Variants in F11 observed in about 807,000 individuals in gnomAD.
The protein encoded by F11 is coagulation factor XI.
Under a neutral mutation model 76.5 loss-of-function variants are expected in F11, and 78 were observed. The ratio of observed to expected loss-of-function variants is 1.02; its 90% confidence interval spans 0.85 to 1.23. The LOEUF is 1.23. Among genes scored for constraint, F11 ranks in the 50% most tolerant of loss-of-function variants. The probability of loss-of-function intolerance (pLI) is 0.00; values close to 1 mark genes in which losing one functional copy is unlikely to be tolerated. For missense variants in F11, 742 were observed against 771.4 expected (o/e 0.96, Z 0.45); for synonymous variants, 278 against 276.3 (o/e 1.01, Z -0.06).
intron 14 of F11, among the ~76,000 whole-genome samples, chr4:186,288,086 T>TTA: frequency 1.3e-5 from 2 of 151,422 alleles, no homozygotes; most frequent in Non-Finnish European, 2.9e-5. Flanking sequence ...TTTTTTTTTT[T>TTA]TAGTTTTAGT....
chr4:186,269,566 A>C (rs1739771266), intron 2 of F11, among the ~76,000 whole-genome samples: 1 of 152,234 alleles, frequency 6.6e-6, no homozygotes, highest in African/African-American at 2.4e-5. Flanking sequence ...CAAGACGGAA[A>C]TTAGAACAGA....
chr4:186,288,613 G>A lies in F11; in HGVS notation c.1877G>A (p.Ter626=). ...ATTCTGGAGAAAACTCAAGCAGTGT[G>A]AATGGGTTCCCAGGGGCCATTGGAG... is the stretch of plus-strand genomic sequence containing the variant. ...DWILEKTQAV[*] Residue 626 remains the stop codon, a stop_retained_variant, in exon 15 of 15, where the codon TGA becomes TAA. Transcript: ENST00000403665. 1 of 1,613,786 alleles carries A rather than the reference G, an allele frequency of 6.2e-7. No individual in the cohort carries two copies. The highest frequency in any genetic ancestry group is 8.5e-7 in the Non-Finnish European group (1 of 1,179,826).
At chr4:186,288,391 T>C (rs186657082) in intron 14 of F11, 62 bp from the exon 15 acceptor site, 557 of 1,607,430 alleles carry the variant, frequency 3.5e-4, no homozygotes, top group Admixed American at 4.7e-4. Context: ...GAGCAAGATG[T>C]GCTGAAGATG....
At chr4:186,279,292 G>A (rs946212115) in intron 7 of F11, among the ~76,000 whole-genome samples, 1 of 151,984 alleles carries the variant, frequency 6.6e-6, no homozygotes, top group Non-Finnish European at 1.5e-5. Flanking sequence ...TGAGGCAGGA[G>A]AATCACTTGA....
Position 186,285,754 on chromosome 4 carries a change from T to C in F11, c.1421T>C (p.Met474Thr), listed in dbSNP as rs1202670074. ...QEIIIHDQYK[M>T]AESGYDIALL... ...ATAATAATCCATGATCAGTATAAAA[T>C]GGCAGAAAGCGGGTATGATATTGCC... The change falls in exon 12 of 15, where the codon ATG (methionine) becomes ACG (threonine). Residue 474 changes from methionine to threonine, a missense_variant. Physicochemically the swap from Met to Thr is moderately conservative, Grantham distance 81 (BLOSUM62 -1). Transcript: ENST00000403665. 2.5e-6 allele frequency: 4 copies of C among 1,614,208 alleles called. No individual in the cohort carries two copies. The highest frequency in any genetic ancestry group is 3.3e-5 in the Admixed American group (2 of 60,028).
At position 186,282,905 on chromosome 4, in the gene F11, G is replaced by C. The variant is rs188961841; in HGVS notation, c.1136-1187G>C. On this transcript the variant is annotated intron_variant, in intron 10 of 14. Coordinates refer to ENST00000403665, the MANE Select transcript of F11 (RefSeq NM_000128.4). ...AATTATACACTCATTTTCCTACCAA[G>C]GAAAAAAAGGCCTAGAAAGGTTGTT... 4,460 of 984,994 alleles carry C rather than the reference G, an allele frequency of 4.5e-3. 25 individuals carry two copies. The highest frequency in any genetic ancestry group is 0.031 in the Middle Eastern group (60 of 1,914). 61.0% of individuals were successfully genotyped at this position (984,994 alleles called of 1,614,324 possible). A position where few individuals can be genotyped will look rare whatever the true frequency, so the allele number is the denominator to read the frequency against.
At chr4:186,288,384 C>T in intron 14 of F11, 69 bp from the exon 15 acceptor site, 1 of 1,601,698 alleles carries the variant, frequency 6.2e-7, no homozygotes, top group Non-Finnish European at 8.6e-7. Flanking sequence ...TCAGCCTGAG[C>T]AAGATGTGCT....
At chr4:186,281,954 G>A (rs1740841869) in intron 10 of F11, 1 of 1,280,396 alleles carries the variant, frequency 7.8e-7, no homozygotes, top group Non-Finnish European at 1.0e-6. Flanking sequence ...GCGCTCCGAT[G>A]AAAATCTCTG....
chr4:186,286,602 G>A (rs767984665), intron 13 of F11, 92 bp downstream of exon 13: 167 of 1,585,322 alleles, frequency 1.1e-4, no homozygotes, highest in Non-Finnish European at 1.4e-4. Context: ...AGCACAACTC[G>A]AGTCACACTA....
intron 7 of F11, among the ~76,000 whole-genome samples, chr4:186,278,683 T>G (rs1185890826): frequency 6.6e-6 from 1 of 151,738 alleles, no homozygotes; most frequent in Non-Finnish European, 1.5e-5. Context: ...AGCAGCAGAG[T>G]GTAGGAGAAG....
rs1216051665 is a variant in F11 at position 186,280,522 on chromosome 4, A to G, written c.1077A>G (p.Ile359Met). ...CTTCAAACGGATCTCCAACTAAAAT[A>G]CTTCACGGGAGAGGAGGCATCTCTG... is the stretch of plus-strand genomic sequence containing the variant. The part of the protein sequence containing the change: ...KLSSNGSPTK[I>M]LHGRGGISGY... The change falls in exon 10 of 15, where the codon ATA becomes ATG. Residue 359 changes from isoleucine to methionine, a missense_variant. Transcript: ENST00000403665. 1 of 1,614,192 alleles carries G rather than the reference A, an allele frequency of 6.2e-7. No individual in the cohort carries two copies.
rs182208172 is a variant in F11, at chr4:186,274,926, T to C, written c.485+651T>C. ...AAGTGAAAAACATTCAAATTACTAA[T>C]ACTTGCGTTTTAACATTGGATTTTA... On this transcript the variant is annotated intron_variant, in intron 5 of 14. Coordinates refer to ENST00000403665, the MANE Select transcript of F11 (RefSeq NM_000128.4). 3.3e-5 allele frequency: 6 copies of C among 180,998 alleles called. No homozygotes were observed. In the East Asian group the frequency reaches 5.8e-4, roughly 17 times the overall value. The allele number at this position is 180,998 out of a possible 1,614,324, so 11.2% of individuals were successfully genotyped here. A position where few individuals can be genotyped will look rare whatever the true frequency, so the allele number is the denominator to read the frequency against.
chr4:186,276,086 C>A, intron 6 of F11, 145 bp from the exon 7 acceptor site: 1 of 1,020,266 alleles, frequency 9.8e-7, no homozygotes, highest in Non-Finnish European at 1.5e-6. Flanking sequence ...TTAAAATAAT[C>A]ATGCCATTTT....
At chr4:186,269,127 T>G (rs1315366644) in intron 2 of F11, among the ~76,000 whole-genome samples, 1 of 152,148 alleles carries the variant, frequency 6.6e-6, no homozygotes, top group Admixed American at 6.6e-5. Context: ...CTTAACCCAG[T>G]AGATTGTTAA....
chr4:186,287,883 GTTTTTTTGTTTGTTTTGT>G lies in F11; in HGVS notation c.1716+77_1716+94del, dbSNP rs1343035144. On this transcript the variant is annotated intron_variant, in intron 14 of 14. Transcript: ENST00000403665. Reference sequence around the variant, plus strand: ...AAATTGGAATGCTTAATGCGTTGGGGTTTTTTTGTTTGTTTTGTTTTTTTTGTTTGTTTTTTTTTGAGA... The same window carrying G: ...AAATTGGAATGCTTAATGCGTTGGGGTTTTTTTGTTTGTTTTTTTTTGAGA... 9 of 1,564,608 alleles carry G rather than the reference GTTTTTTTGTTTGTTTTGT, an allele frequency of 5.8e-6. No homozygotes were observed. In the East Asian group the frequency reaches 7.0e-5, roughly 12 times the overall value.
chr4:186,286,324 A>G (rs1242138245), intron 12 of F11, 91 bp from the exon 13 acceptor site: 2 of 1,211,544 alleles, frequency 1.7e-6, no homozygotes, highest in Non-Finnish European at 2.4e-6. Context: ...AACAAAGAAA[A>G]CACAGATAAT....
At chr4:186,285,075 G>T (rs1741085273) in intron 11 of F11, among the ~76,000 whole-genome samples, 1 of 152,202 alleles carries the variant, frequency 6.6e-6, no homozygotes, top group Non-Finnish European at 1.5e-5. Flanking sequence ...TTCCAGGGAA[G>T]TTAAGTTGGC....
intron 6 of F11, 100 bp downstream of exon 6, chr4:186,275,996 G>T: frequency 2.8e-6 from 3 of 1,064,102 alleles, no homozygotes; most frequent in Non-Finnish European, 2.8e-6. Flanking sequence ...CGATGAAACG[G>T]ACCCAAAGAT....
intron 4 of F11, among the ~76,000 whole-genome samples, chr4:186,273,777 A>G (rs946887545): frequency 6.6e-6 from 1 of 152,212 alleles, no homozygotes; most frequent in African/African-American, 2.4e-5. Flanking sequence ...CCAAATTGAA[A>G]GGAGCAAATA....
Sources: allele counts gnomAD v4.1 joint callset (sites outside exome capture counted in the v4.1 genomes callset), GRCh38; gene constraint gnomAD v4.1.1; transcripts MANE v1.5; gene names NCBI Gene and HGNC (gene_info 2026-07-23, HGNC 2026-07-21).